Variants in PIEZO1 observed in about 807,000 individuals in gnomAD.
PIEZO1 encodes piezo-type mechanosensitive ion channel component 1.
A neutral mutation model predicts 297.2 loss-of-function variants in PIEZO1; 296 were observed. The ratio of observed to expected loss-of-function variants is 1.00; its 90% confidence interval spans 0.91 to 1.10. The LOEUF (loss-of-function observed/expected upper bound fraction) is 1.10. Among genes scored for constraint, PIEZO1 ranks in the 50% least tolerant of loss-of-function variants. PIEZO1 has a pLI of 0.00. For synonymous variants in PIEZO1, 2,427 were observed against 1,507.5 expected (o/e 1.61, Z -14.13); for missense variants, 5,018 against 3,455.5 (o/e 1.45, Z -11.34).
chr16:88,731,623 G>T, intron 22 of PIEZO1, 83 bp downstream of exon 22: 1 of 1,044,588 alleles, frequency 9.6e-7, no homozygotes, highest in Admixed American at 2.1e-5. Context: ...GGGTGGACAG[G>T]AGTCTGGGGC....
Position 88,748,497 on chromosome 16 carries a change from C to A in PIEZO1, c.160+887G>T, listed in dbSNP as rs531293247. Among the ~76,000 whole-genome samples, 73 of 148,308 alleles carry A rather than the reference C, an allele frequency of 4.9e-4. 1 individual carries two copies. Among genetic ancestry groups the A allele is most frequent in the African/African-American group, 9.5e-4 (39 of 41,038 alleles). On this transcript the variant is annotated intron_variant, in intron 2 of 50. Coordinates refer to ENST00000301015, the MANE Select transcript of PIEZO1 (RefSeq NM_001142864.4). ...CAAGGGGGGTCTCAGCTCCCCCCCC[C>A]CCCCGCACAAGTGGATCAAAGTCAA...
rs1170930181 is a variant in PIEZO1, at chr16:88,720,478, G to C, written c.5856C>G (p.Thr1952=). 3 of 1,550,336 alleles carry C rather than the reference G, an allele frequency of 1.9e-6. No individual in the cohort carries two copies. Among genetic ancestry groups the C allele is most frequent in the Middle Eastern group, 1.7e-4 (1 of 6,014 alleles). Reference sequence around the variant, plus strand: ...AGACGTCGGTGGCTGCGCGGTACTTGGTGTGCAGGATGTCGTGGAAGAAGC... The same window carrying C: ...AGACGTCGGTGGCTGCGCGGTACTTCGTGTGCAGGATGTCGTGGAAGAAGC... ...LRRFFHDILH[T]KYRAATDVYA... The change falls in exon 41 of 51, where the codon ACC becomes ACG. Residue 1952 remains threonine, a synonymous_variant. Transcript: ENST00000301015.
chr16:88,761,454 C>T (rs1461842653), intron 1 of PIEZO1, among the ~76,000 whole-genome samples: 1 of 152,200 alleles, frequency 6.6e-6, no homozygotes, highest in African/African-American at 2.4e-5. Flanking sequence ...CCCAGCGGCA[C>T]GGCCCGAGGC....
At chr16:88,738,523 ACC>A (rs1905412906) in intron 6 of PIEZO1, 43 bp downstream of exon 6, 1 of 1,528,606 alleles carries the variant, frequency 6.5e-7, no homozygotes, top group African/African-American at 1.4e-5. Flanking sequence ...AACTCCCAAG[ACC>A]CCTCCCAGTG....
At chr16:88,749,042 C>A (rs923680445) in intron 2 of PIEZO1, among the ~76,000 whole-genome samples, 3 of 151,036 alleles carry the variant, frequency 2.0e-5, no homozygotes, top group Non-Finnish European at 3.0e-5. Context: ...TCGAGACCAT[C>A]CTGGCTATCA....
In PIEZO1 at chr16:88,739,988, G is replaced by A. The variant is rs191210295; in HGVS notation, c.466-1252C>T. 1,028 of 152,096 alleles carry A rather than the reference G, an allele frequency of 6.8e-3. 10 individuals are homozygous for A. Among genetic ancestry groups the A allele is most frequent in the Non-Finnish European group, 0.012 (783 of 67,990 alleles). The allele number at this position is 152,096 out of a possible 1,614,324, so 9.4% of individuals were successfully genotyped here. On this transcript the variant is annotated intron_variant, in intron 5 of 50. Transcript: ENST00000301015. Reference sequence around the variant, plus strand: ...AGGGGCAGGCCCGGCCCTGACTTGGGGTATGAGGCCACCGAGGGGCAGGCC... The same window carrying A: ...AGGGGCAGGCCCGGCCCTGACTTGGAGTATGAGGCCACCGAGGGGCAGGCC...
chr16:88,732,253 T>C, intron 21 of PIEZO1, 82 bp downstream of exon 21: 1 of 1,264,702 alleles, frequency 7.9e-7, no homozygotes, highest in Non-Finnish European at 1.1e-6. Context: ...GGGGCCAGGC[T>C]TGCGGTGCCT....
chr16:88,784,823 C>T, intron 1 of PIEZO1, 78 bp downstream of exon 1: 1 of 1,066,904 alleles, frequency 9.4e-7, no homozygotes, highest in Non-Finnish European at 1.3e-6. Context: ...CCCCGGCCGG[C>T]GTCGTCCGGT....
intron 26 of PIEZO1, 40 bp downstream of exon 26, chr16:88,726,507 C>CT: frequency 6.5e-7 from 1 of 1,545,792 alleles, no homozygotes; most frequent in Non-Finnish European, 8.7e-7. Context: ...GAGCAGGGGG[C>CT]TTCCCCACGC....
At chr16:88,735,353 C>T (rs1033689356) in intron 12 of PIEZO1, 107 bp from the exon 13 acceptor site, 6 of 774,428 alleles carry the variant, frequency 7.7e-6, no homozygotes, top group African/African-American at 5.2e-5. Context: ...TCTCAGGCGG[C>T]TGGCACCAGC....
At chr16:88,742,621 G>C in intron 2 of PIEZO1, 199 bp from the exon 3 acceptor site, 2 of 573,972 alleles carry the variant, frequency 3.5e-6, no homozygotes, top group East Asian at 3.1e-5. Flanking sequence ...TTGTCACAAG[G>C]AGCCGGGCAT....
intron 1 of PIEZO1, among the ~76,000 whole-genome samples, chr16:88,761,816 T>A (rs546427365): frequency 2.2e-5 from 3 of 134,258 alleles, no homozygotes; most frequent in African/African-American, 8.6e-5. Context: ...GCTGCCAGGG[T>A]GTGGAGGCCT....
intron 2 of PIEZO1, chr16:88,743,003 G>A (rs1322662462): frequency 2.2e-6 from 1 of 453,754 alleles, no homozygotes. Context: ...TGGCCACCCT[G>A]GCATTTCAGG....
intron 22 of PIEZO1, among the ~76,000 whole-genome samples, chr16:88,729,838 G>A (rs1597452782): frequency 6.7e-6 from 1 of 149,910 alleles, no homozygotes; most frequent in Non-Finnish European, 1.5e-5. Flanking sequence ...CAAAAACAAA[G>A]TGACCCTCGA....
At position 88,723,871 on chromosome 16, in the gene PIEZO1, C is replaced by G; in HGVS notation, c.4335G>C (p.Gln1445His). The G allele has an allele frequency of 6.6e-7, 1 of 1,512,728 alleles. No homozygotes were observed. The highest frequency in any genetic ancestry group is 9.0e-7 in the Non-Finnish European group (1 of 1,112,500). The allele number at this position is 1,512,728 out of a possible 1,614,324, so 93.7% of individuals were successfully genotyped here. The stretch of plus-strand genomic sequence containing the variant: ...GGCCGACGGGGCTCTCCCACCTCAC[C>G]TGGAAGGCACTCTGTGCCGACGGCC... ...DPRPSAQSAFQLAYQAWVTNA... is the reference protein window; with the variant it reads ...DPRPSAQSAFHLAYQAWVTNA... Residue 1445 changes from glutamine (Q) to histidine (H), a missense_variant and splice_region_variant, in exon 31 of 51, where the codon CAG (glutamine) becomes CAC (histidine). By Grantham distance (24) the Gln-to-His change is conservative. Coordinates refer to ENST00000301015, the MANE Select transcript of PIEZO1 (RefSeq NM_001142864.4).
At chr16:88,728,214 GC>G in intron 22 of PIEZO1, among the ~76,000 whole-genome samples, 1 of 152,252 alleles carries the variant, frequency 6.6e-6, no homozygotes, top group East Asian at 1.9e-4. Flanking sequence ...GATGGGAGCG[GC>G]CGGGGCCTGC....
At chr16:88,780,375 A>G (rs1183413745) in intron 1 of PIEZO1, among the ~76,000 whole-genome samples, 1 of 147,426 alleles carries the variant, frequency 6.8e-6, no homozygotes, top group Non-Finnish European at 1.5e-5. Flanking sequence ...GCAGATACAG[A>G]GGATGTGGGT....
At chr16:88,754,786 C>T (rs149900786) in intron 1 of PIEZO1, among the ~76,000 whole-genome samples, 189 of 152,334 alleles carry the variant, frequency 1.2e-3, no homozygotes, top group African/African-American at 4.4e-3. Flanking sequence ...GAGAGCAGGA[C>T]GTGGTGCAGA....
chr16:88,737,570 AG>A lies in PIEZO1; in HGVS notation c.1183del (p.Leu395CysfsTer37). 1 of 1,533,030 alleles carries A rather than the reference AG, an allele frequency of 6.5e-7. No individual in the cohort carries two copies. 95.0% of individuals were successfully genotyped at this position (1,533,030 alleles called of 1,614,324 possible). On this transcript the variant is annotated frameshift_variant, in exon 10 of 51. Coordinates refer to ENST00000301015, the MANE Select transcript of PIEZO1 (RefSeq NM_001142864.4). LOFTEE classifies it high-confidence loss of function. ...VHELTGQSSV[L>X]RRPVRPKRAE... ...TGTGCGGTACTCACCAGGCCGCCGC[AG>A]GACGGAGCTCTGGCCGGTCAGCTCG...
Sources: gnomAD v4.1 joint callset for allele counts (sites outside exome capture counted in the v4.1 genomes callset) on GRCh38, gnomAD v4.1.1 for gene constraint, MANE v1.5 for transcripts, NCBI Gene and HGNC (gene_info 2026-07-23, HGNC 2026-07-21) for gene names.